EIF2AK2: variants seen among roughly 807,000 people sequenced by gnomAD.
EIF2AK2 encodes the protein eukaryotic translation initiation factor 2 alpha kinase 2.
A neutral mutation model predicts 70.5 loss-of-function variants in EIF2AK2; 40 were observed. The ratio of observed to expected loss-of-function variants is 0.57; its 90% CI spans 0.44 to 0.74. The LOEUF (loss-of-function observed/expected upper bound fraction) is 0.74. Among genes scored for constraint, EIF2AK2 ranks in the 30% least tolerant of loss-of-function variants. EIF2AK2 has a pLI of 0.00. For missense variants in EIF2AK2, 555 were observed against 644.3 expected, an observed-to-expected ratio of 0.86 and a Z score of 1.50; for synonymous variants, 198 against 220.9, an observed-to-expected ratio of 0.90 and a Z score of 0.92.
At chr2:37,127,846 G>A (rs1234934006) in intron 10 of EIF2AK2, among the ~76,000 whole-genome samples, 3 of 151,390 alleles carry the variant, frequency 2.0e-5, no homozygotes, top group South Asian at 2.1e-4. Context: ...AGGTTCAAGC[G>A]ATTCTCCTGC....
chr2:37,111,877 AAATATAT>A (rs1440965896), intron 14 of EIF2AK2, among the ~76,000 whole-genome samples: 71 of 34,822 alleles, frequency 2.0e-3, no homozygotes, highest in Middle Eastern at 0.019. Context: ...AAAAAAAAAA[AAATATAT>A]ATATATATAT....
At chr2:37,117,221 A>G (rs914421998) in intron 13 of EIF2AK2, among the ~76,000 whole-genome samples, 10 of 144,244 alleles carry the variant, frequency 6.9e-5, no homozygotes, top group African/African-American at 2.3e-4. Flanking sequence ...CAAAAAAAAA[A>G]AAAAAAGAAA....
chr2:37,146,904 TG>T lies in EIF2AK2; in HGVS notation c.188del (p.Ala63GlufsTer8), dbSNP rs781119726. On this transcript the variant is annotated frameshift_variant, in exon 4 of 17. Transcript: ENST00000233057. LOFTEE classifies it high-confidence loss of function. The stretch of plus-strand genomic sequence containing the variant: ...CAGCTAATTTGGCTGCGGCATTTTT[TG>T]CTTCCTTCTTTGATCTACCTTCACC... ...PEGEGRSKKE[A>X]KNAAAKLAVE... 6.2e-7 allele frequency: 1 copy of T among 1,614,032 alleles called. No individual in the cohort carries two copies. Among genetic ancestry groups the T allele is most frequent in the East Asian group, 2.2e-5 (1 of 44,868 alleles).
In EIF2AK2 at chr2:37,100,617, G is replaced by A. The variant is rs1483500305; in HGVS notation, c.*6656C>T. The A allele has an allele frequency of 6.6e-6, 1 of 152,196 alleles. No individual in the cohort carries two copies. The highest frequency in any genetic ancestry group is 1.5e-5 in the Non-Finnish European group (1 of 68,028). 9.4% of individuals were successfully genotyped at this position (152,196 alleles called of 1,614,324 possible). A position where few individuals can be genotyped will look rare whatever the true frequency, so the allele number is the denominator to read the frequency against. On this transcript the variant is annotated 3_prime_UTR_variant, in exon 17 of 17. Coordinates refer to ENST00000233057, the MANE Select transcript of EIF2AK2 (RefSeq NM_001135651.3). Reference sequence around the variant, plus strand: ...TTTAAGAAATGTAAGATTTGGATAAGTCATAATCACAGATCAGAAACTGCA... The same window carrying A: ...TTTAAGAAATGTAAGATTTGGATAAATCATAATCACAGATCAGAAACTGCA...
Position 37,139,263 on chromosome 2 carries a change from C to T in EIF2AK2, c.516+368G>A, listed in dbSNP as rs556647866. On this transcript the variant is annotated intron_variant, in intron 6 of 16. Coordinates refer to ENST00000233057, the MANE Select transcript of EIF2AK2 (RefSeq NM_001135651.3). ...ATGGGAGGCGGAGGTTGCAGTGAGC[C>T]GAGATCGTGCCACTGCACTCTAGCC... Among the ~76,000 whole-genome samples, 6 of 149,398 alleles carry T rather than the reference C, an allele frequency of 4.0e-5. No homozygotes were observed. The East Asian group carries it at 6.0e-4, about 15-fold the overall frequency.
chr2:37,142,396 A>G (rs1675365995), intron 4 of EIF2AK2, among the ~76,000 whole-genome samples: 1 of 152,048 alleles, frequency 6.6e-6, no homozygotes, highest in Admixed American at 6.6e-5. Context: ...GCCTTCCAAA[A>G]TGCTAGGATT....
In EIF2AK2 at chr2:37,107,041, TTA is replaced by T; in HGVS notation, c.*230_*231del. On this transcript the variant is annotated 3_prime_UTR_variant, in exon 17 of 17. Transcript: ENST00000233057. ...TGGGCAACAGAGCGAGACTCTGTCT[TTA>T]AAAAAAAAAAAAGAATAAAGAGATG... 3 of 291,368 alleles carry T rather than the reference TTA, an allele frequency of 1.0e-5. No individual in the cohort carries two copies. The highest frequency in any genetic ancestry group is 1.6e-5 in the Non-Finnish European group (3 of 193,196). 18.0% of individuals were successfully genotyped at this position (291,368 alleles called of 1,614,324 possible).
At chr2:37,111,294 G>T (rs768639245) in intron 14 of EIF2AK2, among the ~76,000 whole-genome samples, 1 of 151,798 alleles carries the variant, frequency 6.6e-6, no homozygotes, top group East Asian at 1.9e-4. Flanking sequence ...GGTGAAGGTG[G>T]TAAATTTTAT....
intron 10 of EIF2AK2, among the ~76,000 whole-genome samples, chr2:37,130,848 A>G (rs185473877): frequency 3.3e-5 from 5 of 152,278 alleles, no homozygotes; most frequent in Admixed American, 3.3e-4. Context: ...CCTCTCTAGA[A>G]CACTGTATTC....
In EIF2AK2 at chr2:37,105,861, C is replaced by G. The variant is rs1673947781; in HGVS notation, c.*1412G>C. ...CCCTGGCATATAGTTGGAAGGCCCA[C>G]TGGGCTGTCACTTCTAGCCCTGTGC... On this transcript the variant is annotated 3_prime_UTR_variant, in exon 17 of 17. Transcript: ENST00000233057. 6.6e-6 allele frequency: 1 copy of G among 152,268 alleles called. No homozygotes were observed. Among genetic ancestry groups the G allele is most frequent in the Non-Finnish European group, 1.5e-5 (1 of 68,068 alleles). 9.4% of individuals were successfully genotyped at this position (152,268 alleles called of 1,614,324 possible).
intron 2 of EIF2AK2, 128 bp from the exon 3 acceptor site, chr2:37,147,950 T>C: frequency 1.9e-6 from 1 of 529,566 alleles, no homozygotes; most frequent in Non-Finnish European, 3.4e-6. Context: ...CAGTCTCACA[T>C]AAATGCAGAG....
intron 12 of EIF2AK2, among the ~76,000 whole-genome samples, chr2:37,121,139 T>C (rs1429476734): frequency 2.0e-5 from 3 of 148,776 alleles, no homozygotes; most frequent in Non-Finnish European, 4.5e-5. Flanking sequence ...GGCGGGCGCC[T>C]GTAGTCCCAG....
intron 11 of EIF2AK2, among the ~76,000 whole-genome samples, chr2:37,123,910 AT>A (rs1385141864): frequency 6.6e-6 from 1 of 152,166 alleles, no homozygotes; most frequent in African/African-American, 2.4e-5. Flanking sequence ...TATGACACAA[AT>A]TTGCAAAAAT....
intron 10 of EIF2AK2, among the ~76,000 whole-genome samples, chr2:37,126,967 G>GGA (rs1674753690): frequency 1.9e-5 from 1 of 52,168 alleles, no homozygotes; most frequent in Non-Finnish European, 3.4e-5. Flanking sequence ...CAAAAAAACA[G>GGA]AAAAAAAAAA....
chr2:37,129,850 C>T (rs927441579), intron 10 of EIF2AK2, among the ~76,000 whole-genome samples: 6 of 152,138 alleles, frequency 3.9e-5, no homozygotes, highest in African/African-American at 1.2e-4. Context: ...AAAGCTACCC[C>T]TATTTATTAT....
At chr2:37,128,266 A>C (rs1247962840) in intron 10 of EIF2AK2, among the ~76,000 whole-genome samples, 4 of 152,204 alleles carry the variant, frequency 2.6e-5, no homozygotes, top group African/African-American at 9.7e-5. Flanking sequence ...TTTCATTTTA[A>C]ATCCAAACAT....
chr2:37,122,483 T>C (rs1246758793), intron 12 of EIF2AK2, 23 bp downstream of exon 12: 11 of 1,611,316 alleles, frequency 6.8e-6, no homozygotes, highest in Non-Finnish European at 9.3e-6. Context: ...CTATTATGGC[T>C]ATGAGAATTT....
chr2:37,146,014 A>G (rs1675524842), intron 4 of EIF2AK2, among the ~76,000 whole-genome samples: 1 of 151,926 alleles, frequency 6.6e-6, no homozygotes, highest in Non-Finnish European at 1.5e-5. Context: ...TCAGCTTCCC[A>G]AAGTGCTAGG....
In EIF2AK2 at chr2:37,104,442, C is replaced by G. The variant is rs780186816; in HGVS notation, c.*2831G>C. 2 of 152,188 alleles carry G rather than the reference C, an allele frequency of 1.3e-5. No individual in the cohort carries two copies. Among genetic ancestry groups the G allele is most frequent in the East Asian group, 1.9e-4 (1 of 5,184 alleles). The allele number at this position is 152,188 out of a possible 1,614,324, so 9.4% of individuals were successfully genotyped here. A position where few individuals can be genotyped will look rare whatever the true frequency, so the allele number is the denominator to read the frequency against. ...TCAAGTGATCCTCCCACCTCACCCCCCCAAGTAGCTGGGACCACAGATGCA... is the reference window on the plus strand; with the variant it reads ...TCAAGTGATCCTCCCACCTCACCCCGCCAAGTAGCTGGGACCACAGATGCA... On this transcript the variant is annotated 3_prime_UTR_variant, in exon 17 of 17. Coordinates refer to ENST00000233057, the MANE Select transcript of EIF2AK2 (RefSeq NM_001135651.3).
Sources: allele counts gnomAD v4.1 joint callset (sites outside exome capture counted in the v4.1 genomes callset), GRCh38; gene constraint gnomAD v4.1.1; transcripts MANE v1.5; gene names NCBI Gene and HGNC (gene_info 2026-07-23, HGNC 2026-07-21).